Variants in SOX6 observed in about 807,000 individuals in gnomAD.
SOX6 encodes the protein SRY-box transcription factor 6.
Under a neutral mutation model 97.8 loss-of-function variants are expected in SOX6, and 11 were observed. The observed-to-expected ratio is 0.11, with a 90% CI of 0.07 to 0.19. The LOEUF is 0.19. SOX6 is among the 10% of genes least tolerant of loss of function. The pLI is 1.00. For missense variants in SOX6, 810 were observed against 1,039.5 expected, an observed-to-expected ratio of 0.78 and a Z score of 3.04; for synonymous variants, 360 against 371.4, an observed-to-expected ratio of 0.97 and a Z score of 0.35.
At chr11:16,643,262 C>T (rs1413940653) in intron 3 of SOX6, among the ~76,000 whole-genome samples, 4 of 152,176 alleles carry the variant, frequency 2.6e-5, no homozygotes, top group Non-Finnish European at 4.4e-5. Context: ...GCTGCCTGAT[C>T]CTTCCTCTGG....
intron 1 of SOX6, among the ~76,000 whole-genome samples, chr11:16,345,981 A>T (rs1273809706): frequency 6.6e-6 from 1 of 151,984 alleles, no homozygotes; most frequent in Non-Finnish European, 1.5e-5. Context: ...TATTTTTATG[A>T]TTATTATCAA....
At chr11:16,255,026 A>G (rs953320368) in intron 3 of SOX6, among the ~76,000 whole-genome samples, 2 of 152,136 alleles carry the variant, frequency 1.3e-5, no homozygotes, top group African/African-American at 4.8e-5. Flanking sequence ...AGGAATAAAA[A>G]GAGTATTTCA....
intron 4 of SOX6, among the ~76,000 whole-genome samples, chr11:16,189,928 C>T (rs1851585388): frequency 6.6e-6 from 1 of 151,872 alleles, no homozygotes; most frequent in African/African-American, 2.4e-5. Context: ...ATTTAGATTC[C>T]CCAATAAATA....
intron 4 of SOX6, among the ~76,000 whole-genome samples, chr11:16,530,601 G>A (rs1483013620): frequency 1.3e-5 from 2 of 151,936 alleles, no homozygotes; most frequent in African/African-American, 4.8e-5. Context: ...CGTATGAAAG[G>A]ATATCAAATT....
At chr11:16,326,984 T>C in intron 2 of SOX6, among the ~76,000 whole-genome samples, 1 of 152,204 alleles carries the variant, frequency 6.6e-6, no homozygotes, top group Non-Finnish European at 1.5e-5. Flanking sequence ...GTCTCTTCTC[T>C]ACAGTATGTT....
At chr11:16,142,137 ACCC>A (rs1850160495) in intron 6 of SOX6, among the ~76,000 whole-genome samples, 1 of 152,056 alleles carries the variant, frequency 6.6e-6, no homozygotes, top group Admixed American at 6.6e-5. Context: ...ATGGCCAGGC[ACCC>A]CTCTGAGACA....
At chr11:16,163,330 G>A (rs1850802870) in intron 6 of SOX6, among the ~76,000 whole-genome samples, 1 of 152,070 alleles carries the variant, frequency 6.6e-6, no homozygotes, top group South Asian at 2.1e-4. Context: ...AGTTCTCAAG[G>A]TCCCTTTCAC....
At chr11:16,200,930 A>C (rs1851917852) in intron 4 of SOX6, among the ~76,000 whole-genome samples, 1 of 151,812 alleles carries the variant, frequency 6.6e-6, no homozygotes, top group African/African-American at 2.4e-5. Context: ...ACATGTTGAA[A>C]CTCTGTCTCT....
intron 1 of SOX6, among the ~76,000 whole-genome samples, chr11:16,381,296 C>A (rs1414427818): frequency 6.6e-6 from 1 of 152,000 alleles, no homozygotes; most frequent in Non-Finnish European, 1.5e-5. Context: ...AGAAAAAGAA[C>A]TGGGGACCAA....
At chr11:16,616,036 C>T (rs7117253) in intron 3 of SOX6, among the ~76,000 whole-genome samples, 66,002 of 152,008 alleles carry the variant, frequency 0.43, 15,277 homozygotes, top group East Asian at 0.85. Flanking sequence ...TTCTGAGATA[C>T]TGTGTTATCT....
At chr11:16,710,000 T>C (rs935622932) in intron 3 of SOX6, among the ~76,000 whole-genome samples, 1 of 152,234 alleles carries the variant, frequency 6.6e-6, no homozygotes, top group Non-Finnish European at 1.5e-5. Flanking sequence ...TACTTTCAAA[T>C]GCTATTTATT....
chr11:16,454,933 T>C (rs556838637), intron 1 of SOX6, among the ~76,000 whole-genome samples: 111 of 152,158 alleles, frequency 7.3e-4, no homozygotes, highest in African/African-American at 2.6e-3. Context: ...GTGCTAAACT[T>C]TTTTCCCTTT....
At chr11:16,078,667 A>C (rs1007471412) in intron 9 of SOX6, among the ~76,000 whole-genome samples, 6 of 152,084 alleles carry the variant, frequency 3.9e-5, no homozygotes, top group African/African-American at 9.7e-5. Flanking sequence ...TAGATATGTA[A>C]ATCTGGTGGT....
intron 6 of SOX6, among the ~76,000 whole-genome samples, chr11:16,159,629 T>G (rs1283582036): frequency 6.6e-6 from 1 of 152,142 alleles, no homozygotes. Flanking sequence ...CTAATAACTA[T>G]GCACACAACT....
At chr11:16,462,066 T>C (rs1590212756) in intron 1 of SOX6, among the ~76,000 whole-genome samples, 1 of 152,194 alleles carries the variant, frequency 6.6e-6, no homozygotes, top group East Asian at 1.9e-4. Flanking sequence ...GTACAAAGCA[T>C]TATTCTTGGA....
At chr11:16,592,839 A>C (rs1565188614) in intron 4 of SOX6, among the ~76,000 whole-genome samples, 2 of 152,288 alleles carry the variant, frequency 1.3e-5, no homozygotes, top group South Asian at 4.1e-4. Flanking sequence ...AATCCTCTCC[A>C]CAAGAGTTCC....
intron 4 of SOX6, among the ~76,000 whole-genome samples, chr11:16,597,627 A>G (rs1443984057): frequency 1.3e-5 from 2 of 151,976 alleles, no homozygotes; most frequent in African/African-American, 4.8e-5. Context: ...AGCAAAACAA[A>G]ACAGATTGAG....
At chr11:16,225,362 T>C (rs1235639214) in intron 4 of SOX6, among the ~76,000 whole-genome samples, 1 of 150,028 alleles carries the variant, frequency 6.7e-6, no homozygotes, top group African/African-American at 2.5e-5. Flanking sequence ...AGAAATTCAA[T>C]AAAAATTCAT....
At chr11:15,989,377 A>G in intron 13 of SOX6, 147 bp from the exon 14 acceptor site, 1 of 625,308 alleles carries the variant, frequency 1.6e-6, no homozygotes, top group Admixed American at 3.0e-5. Flanking sequence ...GGCAGGTTCA[A>G]ATGACAGTTC....
Sources: allele counts gnomAD v4.1 joint callset (sites outside exome capture counted in the v4.1 genomes callset), GRCh38; gene constraint gnomAD v4.1.1; transcripts MANE v1.5; gene names NCBI Gene and HGNC (gene_info 2026-07-23, HGNC 2026-07-21).